The following IL1RAPL1 variants were observed in gnomAD, a reference collection of about 807,000 sequenced individuals.
The protein encoded by IL1RAPL1 is interleukin-1 receptor accessory protein-like 1.
A neutral mutation model predicts 48.4 loss-of-function variants in IL1RAPL1; 3 were observed. The observed-to-expected ratio is 0.06, with a 90% CI of 0.03 to 0.16. The LOEUF (loss-of-function observed/expected upper bound fraction) is 0.16, where lower values mean the gene tolerates loss of function less well. IL1RAPL1 is among the 10% of genes least tolerant of loss of function. IL1RAPL1 has a pLI of 1.00. For synonymous variants in IL1RAPL1, 185 were observed against 187.7 expected, an observed-to-expected ratio of 0.99 and a Z score of 0.12; for missense variants, 349 against 530.6, an observed-to-expected ratio of 0.66 and a Z score of 3.36.
At chrX:29,903,949 T>C (rs541192778) in intron 6 of IL1RAPL1, among the ~76,000 whole-genome samples, 7 of 112,264 alleles carry the variant, frequency 6.2e-5, no homozygotes, top group African/African-American at 1.3e-4. Flanking sequence ...CTGACTGATA[T>C]ATTTGATGTG....
chrX:29,561,942 C>T (rs1308544326), intron 5 of IL1RAPL1, among the ~76,000 whole-genome samples: 37 of 111,311 alleles, frequency 3.3e-4, no homozygotes, highest in Admixed American at 3.2e-3. Flanking sequence ...AGGAATCTAC[C>T]TCTGGGAGAG....
chrX:28,832,736 AG>A (rs1482717711), intron 2 of IL1RAPL1, among the ~76,000 whole-genome samples: 1 of 109,116 alleles, frequency 9.2e-6, no homozygotes. Flanking sequence ...GGGTTGGTCA[AG>A]GTTTTTTTTT....
intron 1 of IL1RAPL1, among the ~76,000 whole-genome samples, chrX:28,669,782 A>G (rs1470106236): frequency 9.6e-6 from 1 of 104,452 alleles, no homozygotes; most frequent in East Asian, 2.9e-4. Context: ...TCATATATAA[A>G]TTGTATATAT....
At chrX:29,231,988 T>C (rs764252709) in intron 2 of IL1RAPL1, among the ~76,000 whole-genome samples, 21 of 111,815 alleles carry the variant, frequency 1.9e-4, no homozygotes, top group African/African-American at 6.8e-4. Flanking sequence ...AACAACAAGA[T>C]AATGAGTTAG....
chrX:28,624,727 C>G (rs961969769), intron 1 of IL1RAPL1, among the ~76,000 whole-genome samples: 2 of 112,003 alleles, frequency 1.8e-5, no homozygotes, highest in African/African-American at 6.5e-5. Context: ...CACAGAGTAT[C>G]AAACTATGTA....
intron 2 of IL1RAPL1, among the ~76,000 whole-genome samples, chrX:28,888,776 C>G (rs1410660417): frequency 1.8e-5 from 2 of 111,320 alleles, no homozygotes; most frequent in Non-Finnish European, 3.8e-5. Context: ...TTAAATATTT[C>G]TGTTGTATAA....
At chrX:28,714,818 A>G (rs759340625) in intron 1 of IL1RAPL1, among the ~76,000 whole-genome samples, 2 of 112,029 alleles carry the variant, frequency 1.8e-5, no homozygotes, top group African/African-American at 3.2e-5. Context: ...ACATTTTTCA[A>G]ATGTGCCTTG....
chrX:29,752,491 G>C (rs1360365118), intron 6 of IL1RAPL1, among the ~76,000 whole-genome samples: 1 of 64,410 alleles, frequency 1.6e-5, no homozygotes, highest in Non-Finnish European at 2.7e-5. Context: ...TCGAGACTTT[G>C]TCTCAAAAAA....
chrX:29,558,442 T>G (rs1922078013), intron 5 of IL1RAPL1, among the ~76,000 whole-genome samples: 1 of 111,940 alleles, frequency 8.9e-6, no homozygotes, highest in Admixed American at 9.5e-5. Flanking sequence ...ATATTAACCT[T>G]TTATCAGATG....
chrX:29,381,521 A>C (rs962895092), intron 3 of IL1RAPL1, among the ~76,000 whole-genome samples: 6 of 95,963 alleles, frequency 6.3e-5, no homozygotes, highest in Non-Finnish European at 8.3e-5. Context: ...AAAAAAAAAA[A>C]AAAAAAAACT....
At chrX:29,886,662 A>G (rs112747522) in intron 6 of IL1RAPL1, among the ~76,000 whole-genome samples, 5,220 of 112,282 alleles carry the variant, frequency 0.046, 310 homozygotes, top group African/African-American at 0.16. Context: ...GATGTAGATG[A>G]CAACTCCTGA....
intron 3 of IL1RAPL1, among the ~76,000 whole-genome samples, chrX:29,393,032 G>A (rs185649329): frequency 1.4e-3 from 159 of 112,071 alleles, no homozygotes; most frequent in Non-Finnish European, 2.6e-3. Context: ...GAGTTTTATT[G>A]TATTCGTTTC....
intron 5 of IL1RAPL1, among the ~76,000 whole-genome samples, chrX:29,450,071 C>T (rs1306734645): frequency 9.0e-6 from 1 of 111,293 alleles, no homozygotes; most frequent in East Asian, 2.8e-4. Context: ...GAAATGCAAG[C>T]TGGATAGAAA....
At chrX:29,111,990 C>T (rs1419756034) in intron 2 of IL1RAPL1, among the ~76,000 whole-genome samples, 5 of 91,229 alleles carry the variant, frequency 5.5e-5, no homozygotes, top group East Asian at 3.4e-4. Flanking sequence ...AGTACAGTGG[C>T]GCCATCTTGG....
intron 2 of IL1RAPL1, among the ~76,000 whole-genome samples, chrX:29,132,226 T>C (rs1929036515): frequency 9.0e-6 from 1 of 111,595 alleles, no homozygotes; most frequent in Non-Finnish European, 1.9e-5. Context: ...TTTCAGATTA[T>C]AATTATAAAC....
intron 2 of IL1RAPL1, among the ~76,000 whole-genome samples, chrX:28,944,771 GT>G (rs1406490406): frequency 1.7e-4 from 18 of 104,343 alleles, no homozygotes; most frequent in Middle Eastern, 5.0e-3. Context: ...GGGATAGGAA[GT>G]TTTTTTTTTT....
chrX:29,321,566 G>T (rs1008091297), intron 3 of IL1RAPL1, among the ~76,000 whole-genome samples: 1 of 112,008 alleles, frequency 8.9e-6, no homozygotes, highest in Admixed American at 9.5e-5. Flanking sequence ...GTGTGTATGT[G>T]TGTAGTCGCA....
rs745681185 is a variant in IL1RAPL1, at chrX:29,055,728, AAAAT to A, written c.83-227202_83-227199del. 1.4e-3 allele frequency among the ~76,000 whole-genome samples: 156 copies of A among 112,153 alleles called. 1 individual carries two copies. Among genetic ancestry groups the A allele is most frequent in the African/African-American group, 4.2e-3 (129 of 30,988 alleles). ...ATTTGTTCACATGGTTAAAATTAGA[AAAAT>A]AAATAAACTGACATGAAACATACAT... On this transcript the variant is annotated intron_variant, in intron 2 of 10. Coordinates refer to ENST00000378993, the MANE Select transcript of IL1RAPL1 (RefSeq NM_014271.4).
intron 5 of IL1RAPL1, among the ~76,000 whole-genome samples, chrX:29,593,958 C>G (rs1230289785): frequency 8.9e-6 from 1 of 112,020 alleles, no homozygotes; most frequent in Non-Finnish European, 1.9e-5. Flanking sequence ...ATTTTTCTAG[C>G]TTTAATTTCC....
Sources: gnomAD v4.1 joint callset for allele counts (sites outside exome capture counted in the v4.1 genomes callset) on GRCh38, gnomAD v4.1.1 for gene constraint, MANE v1.5 for transcripts, NCBI Gene and HGNC (gene_info 2026-07-23, HGNC 2026-07-21) for gene names.